SNTG1: variants seen among roughly 807,000 people sequenced by gnomAD.
The protein encoded by SNTG1 is gamma-1-syntrophin.
A neutral mutation model predicts 74.7 loss-of-function variants in SNTG1; 39 were observed. That is an observed-to-expected ratio of 0.52 (90% CI 0.40 to 0.68). The LOEUF (loss-of-function observed/expected upper bound fraction) is 0.68. Among genes scored for constraint, SNTG1 ranks in the 30% least tolerant of loss-of-function variants. The pLI, the probability that SNTG1 is intolerant of heterozygous loss-of-function variation, is 0.00. For synonymous variants in SNTG1, 254 were observed against 217.1 expected (o/e 1.17, Z -1.49); for missense variants, 685 against 609.5 (o/e 1.12, Z -1.30).
At chr8:50,752,300 C>A (rs2095569545) in intron 18 of SNTG1, among the ~76,000 whole-genome samples, 189 bp downstream of exon 18, 1 of 151,978 alleles carries the variant, frequency 6.6e-6, no homozygotes, top group Admixed American at 6.6e-5. Flanking sequence ...TTAAAGGCAG[C>A]ACTTAAAATA....
At chr8:50,242,350 G>T (rs749512403) in intron 2 of SNTG1, among the ~76,000 whole-genome samples, 1 of 151,572 alleles carries the variant, frequency 6.6e-6, no homozygotes, top group Non-Finnish European at 1.5e-5. Flanking sequence ...TCAACATGGC[G>T]AAACCCCATC....
intron 13 of SNTG1, among the ~76,000 whole-genome samples, chr8:50,635,700 C>T (rs781105039): frequency 6.6e-6 from 1 of 152,148 alleles, no homozygotes; most frequent in East Asian, 1.9e-4. Context: ...GAAGTGGGCT[C>T]CCCTCTGGCC....
intron 17 of SNTG1, among the ~76,000 whole-genome samples, chr8:50,734,444 C>T (rs528149469): frequency 6.6e-6 from 1 of 151,324 alleles, no homozygotes; most frequent in East Asian, 1.9e-4. Flanking sequence ...ATTTATTCTG[C>T]CTCAATATCA....
intron 2 of SNTG1, among the ~76,000 whole-genome samples, chr8:50,173,394 G>A (rs2082878915): frequency 6.6e-6 from 1 of 152,104 alleles, no homozygotes; most frequent in Non-Finnish European, 1.5e-5. Context: ...ACAGTCCAAG[G>A]ACTTGTAGTA....
chr8:50,552,217 GA>G (rs1373241144), intron 11 of SNTG1, among the ~76,000 whole-genome samples: 1 of 152,112 alleles, frequency 6.6e-6, no homozygotes, highest in Non-Finnish European at 1.5e-5. Flanking sequence ...TCCATTTTGG[GA>G]TTTTATCTAT....
chr8:50,555,559 A>G (rs892607482), intron 12 of SNTG1, among the ~76,000 whole-genome samples: 2 of 152,148 alleles, frequency 1.3e-5, no homozygotes, highest in African/African-American at 4.8e-5. Context: ...TTTTAATTCT[A>G]AAGATATACT....
chr8:50,512,303 T>A (rs534968753), intron 9 of SNTG1, among the ~76,000 whole-genome samples: 1 of 152,152 alleles, frequency 6.6e-6, no homozygotes, highest in Non-Finnish European at 1.5e-5. Context: ...TCTAATGGAC[T>A]TCCCTTTGTG....
At chr8:50,767,617 C>G (rs2095617039) in intron 18 of SNTG1, among the ~76,000 whole-genome samples, 1 of 151,728 alleles carries the variant, frequency 6.6e-6, no homozygotes, top group Non-Finnish European at 1.5e-5. Flanking sequence ...TTTTTTTTGA[C>G]AAGTTACAAA....
At chr8:50,464,126 G>T (rs2131701323) in intron 8 of SNTG1, among the ~76,000 whole-genome samples, 1 of 152,268 alleles carries the variant, frequency 6.6e-6, no homozygotes, top group Middle Eastern at 3.4e-3. Context: ...TTAGGCTTTG[G>T]ATTAAGTGGA....
At chr8:50,206,777 G>C (rs575678934) in intron 2 of SNTG1, among the ~76,000 whole-genome samples, 48 of 145,400 alleles carry the variant, frequency 3.3e-4, no homozygotes, top group South Asian at 1.5e-3. Flanking sequence ...TAGCATGAAG[G>C]GTTGTTGAAT....
intron 8 of SNTG1, among the ~76,000 whole-genome samples, chr8:50,499,353 T>A (rs931940686): frequency 6.6e-6 from 1 of 151,722 alleles, no homozygotes; most frequent in Non-Finnish European, 1.5e-5. Flanking sequence ...TAAAGAAATG[T>A]GATTATTTTA....
chr8:50,046,482 G>A (rs894148635), intron 1 of SNTG1, among the ~76,000 whole-genome samples: 3 of 152,128 alleles, frequency 2.0e-5, no homozygotes, highest in Non-Finnish European at 4.4e-5. Context: ...ATATTTAAAT[G>A]TTTAACTCAC....
At chr8:50,634,002 A>G (rs1378205685) in intron 13 of SNTG1, among the ~76,000 whole-genome samples, 1 of 152,178 alleles carries the variant, frequency 6.6e-6, no homozygotes, top group Non-Finnish European at 1.5e-5. Context: ...GCATATATTC[A>G]CAAAGTTCCC....
At chr8:50,247,870 C>T (rs557551790) in intron 2 of SNTG1, among the ~76,000 whole-genome samples, 1 of 151,704 alleles carries the variant, frequency 6.6e-6, no homozygotes, top group African/African-American at 2.4e-5. Context: ...TTTTGAAGAC[C>T]CTTTGTATTT....
intron 18 of SNTG1, among the ~76,000 whole-genome samples, chr8:50,755,209 G>T (rs1435780214): frequency 1.3e-5 from 2 of 151,694 alleles, no homozygotes; most frequent in Non-Finnish European, 1.5e-5. Flanking sequence ...TGCCATTATA[G>T]TATCATAGTC....
intron 1 of SNTG1, among the ~76,000 whole-genome samples, chr8:49,917,385 A>G (rs1462376235): frequency 6.6e-6 from 1 of 152,182 alleles, no homozygotes; most frequent in African/African-American, 2.4e-5. Context: ...TGGAACATAC[A>G]TGGGATTTAG....
chr8:50,714,338 T>C (rs1056449011), intron 17 of SNTG1, among the ~76,000 whole-genome samples: 28 of 151,964 alleles, frequency 1.8e-4, no homozygotes, highest in African/African-American at 5.8e-4. Flanking sequence ...TGGTTCCCTA[T>C]GAAATTTGAC....
chr8:49,964,489 C>G (rs1208772877), intron 1 of SNTG1, among the ~76,000 whole-genome samples: 1 of 152,190 alleles, frequency 6.6e-6, no homozygotes, highest in African/African-American at 2.4e-5. Context: ...TAGATGATAA[C>G]TAGGCAGATA....
At chr8:50,767,664 T>G (rs1486808195) in intron 18 of SNTG1, among the ~76,000 whole-genome samples, 1 of 151,956 alleles carries the variant, frequency 6.6e-6, no homozygotes, top group Admixed American at 6.6e-5. Flanking sequence ...TAAAAGTTGT[T>G]TCTATATATA....
Sources: gnomAD v4.1 joint callset for allele counts (sites outside exome capture counted in the v4.1 genomes callset) on GRCh38, gnomAD v4.1.1 for gene constraint, MANE v1.5 for transcripts, NCBI Gene and HGNC (gene_info 2026-07-23, HGNC 2026-07-21) for gene names.